The following FAM13B variants were observed in gnomAD, a reference collection of about 807,000 sequenced individuals.
FAM13B encodes family with sequence similarity 13 member B, also known as protein FAM13B.
In FAM13B, 60 loss-of-function variants were observed where a neutral mutation model predicts 117.3. The observed-to-expected ratio is 0.51, with a 90% CI of 0.42 to 0.63. The LOEUF is 0.63. Among genes scored for constraint, FAM13B ranks in the 30% least tolerant of loss-of-function variants. The pLI, the probability that FAM13B is intolerant of heterozygous loss-of-function variation, is 0.00. For synonymous variants in FAM13B, 332 were observed against 356.1 expected (o/e 0.93, Z 0.76); for missense variants, 972 against 1,091.9 (o/e 0.89, Z 1.55).
chr5:138,011,287 C>T (rs568030686), intron 5 of FAM13B, 138 bp from the exon 6 acceptor site: 4 of 758,070 alleles, frequency 5.3e-6, no homozygotes, highest in Non-Finnish European at 8.4e-6. Context: ...ATCTGTAAAA[C>T]CTACCTAATT....
chr5:137,962,596 T>C (rs1768464276), intron 10 of FAM13B, 127 bp from the exon 11 acceptor site: 5 of 720,728 alleles, frequency 6.9e-6, no homozygotes, highest in Non-Finnish European at 1.2e-5. Context: ...TCATTTATAA[T>C]AGTCTGTAGT....
intron 1 of FAM13B, chr5:138,039,277 A>G (rs2151124486): frequency 6.6e-6 from 1 of 152,304 alleles, no homozygotes; most frequent in Admixed American, 6.5e-5. Context: ...GGGGAAAGAA[A>G]AAACTGCTCT....
intron 7 of FAM13B, among the ~76,000 whole-genome samples, chr5:137,998,463 G>A (rs1029250962): frequency 2.0e-5 from 3 of 152,176 alleles, no homozygotes; most frequent in Non-Finnish European, 4.4e-5. Context: ...AACTTACCTT[G>A]TTGAGAGCTA....
chr5:138,020,806 G>A (rs533961268), intron 2 of FAM13B: 2 of 235,060 alleles, frequency 8.5e-6, no homozygotes, highest in African/African-American at 4.5e-5. Context: ...GTCACAACAT[G>A]ACTAGGAAAC....
At chr5:138,019,201 G>A in intron 2 of FAM13B, 55 bp from the exon 3 acceptor site, 1 of 1,481,290 alleles carries the variant, frequency 6.8e-7, no homozygotes. Flanking sequence ...GTGGCAATAT[G>A]ACTAGATACA....
chr5:137,959,536 G>T, intron 13 of FAM13B, 80 bp downstream of exon 13: 1 of 1,416,178 alleles, frequency 7.1e-7, no homozygotes, highest in Admixed American at 1.7e-5. Flanking sequence ...CCAGAAAAGG[G>T]CTGTAGTCTT....
chr5:138,004,981 C>A (rs928715707), intron 7 of FAM13B, among the ~76,000 whole-genome samples: 1 of 152,180 alleles, frequency 6.6e-6, no homozygotes, highest in Non-Finnish European at 1.5e-5. Flanking sequence ...CTCACTCCTG[C>A]AATCCCAGCA....
At chr5:138,032,092 G>C (rs1294429931) in intron 1 of FAM13B, among the ~76,000 whole-genome samples, 1 of 152,164 alleles carries the variant, frequency 6.6e-6, no homozygotes, top group Non-Finnish European at 1.5e-5. Context: ...GATTTTAACT[G>C]ATTACAAACA....
At chr5:138,031,686 G>GAAA (rs761785377) in intron 1 of FAM13B, among the ~76,000 whole-genome samples, 7 of 133,658 alleles carry the variant, frequency 5.2e-5, no homozygotes, top group African/African-American at 1.1e-4. Flanking sequence ...CTGTCTCAAG[G>GAAA]AAAAAAAAAA....
chr5:137,947,383 A>T (rs1234052573), intron 18 of FAM13B, among the ~76,000 whole-genome samples: 1 of 152,210 alleles, frequency 6.6e-6, no homozygotes, highest in Admixed American at 6.5e-5. Flanking sequence ...AATCAGTCTT[A>T]AACCAAAGAT....
chr5:137,992,775 ACT>A (rs1778937560), intron 7 of FAM13B, among the ~76,000 whole-genome samples: 1 of 152,238 alleles, frequency 6.6e-6, no homozygotes, highest in Non-Finnish European at 1.5e-5. Flanking sequence ...ACTGTCACAC[ACT>A]GTTAGTAGGG....
At chr5:137,963,279 T>C (rs939227626) in intron 10 of FAM13B, among the ~76,000 whole-genome samples, 1 of 152,214 alleles carries the variant, frequency 6.6e-6, no homozygotes, top group African/African-American at 2.4e-5. Context: ...CAGACTTAAA[T>C]GCAGAAGCAT....
At chr5:137,988,366 T>A in intron 7 of FAM13B, 51 bp from the exon 8 acceptor site, 2 of 1,447,076 alleles carry the variant, frequency 1.4e-6, no homozygotes, top group Non-Finnish European at 1.9e-6. Context: ...ACTTAATAAC[T>A]ACAAAATGTG....
intron 22 of FAM13B, 67 bp downstream of exon 22, chr5:137,942,808 C>T (rs1431684989): frequency 2.9e-6 from 4 of 1,391,544 alleles, no homozygotes; most frequent in Non-Finnish European, 3.9e-6. Context: ...ACTCATTTAA[C>T]ATCAAATTTC....
chr5:138,018,961 C>A lies in FAM13B; in HGVS notation c.151G>T (p.Glu51Ter). ...AAAGTAAGGAAATGTATACCATGTT[C>A]CTCAATATAGTCCACAACGTGGCGG... is the stretch of plus-strand genomic sequence containing the variant. Reference protein sequence around the residue: ...IVRHVVDYIEEHGGLEQQGLF... With the variant: ...IVRHVVDYIE Residue 51 changes from glutamate (E) to a stop codon, truncating the protein, a stop_gained, in exon 3 of 24, where the codon GAA (glutamate) becomes TAA (stop). Coordinates refer to ENST00000689681, the MANE Select transcript of FAM13B (RefSeq NM_001385994.1). LOFTEE classifies it high-confidence loss of function. 6.2e-7 allele frequency: 1 copy of A among 1,613,310 alleles called. No homozygotes were observed. The highest frequency in any genetic ancestry group is 8.5e-7 in the Non-Finnish European group (1 of 1,179,472).
chr5:138,032,841 C>G lies in FAM13B; in HGVS notation c.-262G>C. 1.0e-6 allele frequency: 1 copy of G among 985,762 alleles called. No individual in the cohort carries two copies. The highest frequency in any genetic ancestry group is 1.2e-6 in the Non-Finnish European group (1 of 829,968). 61.1% of individuals were successfully genotyped at this position (985,762 alleles called of 1,614,324 possible). A position where few individuals can be genotyped will look rare whatever the true frequency, so the allele number is the denominator to read the frequency against. On this transcript the variant is annotated 5_prime_UTR_variant, in exon 1 of 24. Coordinates refer to ENST00000689681, the MANE Select transcript of FAM13B (RefSeq NM_001385994.1). ...GCCGCTTCTCCAGGACCCGCGGCGA[C>G]GGCAAGAGGGCGAGAACTGAGGCCC... is the stretch of plus-strand genomic sequence containing the variant.
intron 7 of FAM13B, among the ~76,000 whole-genome samples, chr5:137,998,367 G>T (rs1312108908): frequency 6.6e-6 from 1 of 152,186 alleles, no homozygotes; most frequent in Non-Finnish European, 1.5e-5. Flanking sequence ...AGAAAACAAT[G>T]ATTAATTTCA....
chr5:137,959,394 G>A (rs1019885577), intron 13 of FAM13B, among the ~76,000 whole-genome samples: 1 of 152,138 alleles, frequency 6.6e-6, no homozygotes, highest in Non-Finnish European at 1.5e-5. Context: ...TTTCAAAGCT[G>A]TTGATGGATC....
chr5:137,952,738 C>T (rs1416327919), intron 16 of FAM13B, 29 bp from the exon 17 acceptor site: 18 of 1,342,904 alleles, frequency 1.3e-5, no homozygotes, highest in Non-Finnish European at 1.9e-5. Context: ...GAATCACTGA[C>T]ACTTGTGATA....
Sources: allele counts gnomAD v4.1 joint callset (sites outside exome capture counted in the v4.1 genomes callset), GRCh38; gene constraint gnomAD v4.1.1; transcripts MANE v1.5; gene names NCBI Gene and HGNC (gene_info 2026-07-23, HGNC 2026-07-21).